ADGRL3: variants seen among roughly 807,000 people sequenced by gnomAD.
ADGRL3 encodes adhesion G protein-coupled receptor L3.
In ADGRL3, 62 loss-of-function variants were observed where a neutral mutation model predicts 153.5. That is an observed-to-expected ratio of 0.40 (90% CI 0.33 to 0.50). The LOEUF is 0.50. Ranked by LOEUF, ADGRL3 falls within the 20% of genes least tolerant of loss-of-function variation. The pLI is 0.47. For synonymous variants in ADGRL3, 710 were observed against 672.5 expected, an observed-to-expected ratio of 1.06 and a Z score of -0.86; for missense variants, 1,641 against 1,859.4, an observed-to-expected ratio of 0.88 and a Z score of 2.16.
intron 2 of ADGRL3, among the ~76,000 whole-genome samples, chr4:61,495,092 T>C (rs1213588250): frequency 6.6e-6 from 1 of 152,118 alleles, no homozygotes; most frequent in East Asian, 1.9e-4. Flanking sequence ...GGAGATGCTA[T>C]AGTTAAATGA....
intron 21 of ADGRL3, among the ~76,000 whole-genome samples, chr4:62,015,187 G>T (rs1021499513): frequency 3.3e-5 from 5 of 152,234 alleles, no homozygotes; most frequent in Admixed American, 3.3e-4. Context: ...ACCAATTGTT[G>T]CTGGTTTTCT....
At chr4:61,567,032 G>A (rs1462892561) in intron 4 of ADGRL3, among the ~76,000 whole-genome samples, 1 of 152,078 alleles carries the variant, frequency 6.6e-6, no homozygotes, top group Non-Finnish European at 1.5e-5. Flanking sequence ...AGCAGGGAAA[G>A]GATTTGCCAA....
chr4:61,358,430 T>C (rs1456845448), intron 1 of ADGRL3, among the ~76,000 whole-genome samples: 5 of 151,856 alleles, frequency 3.3e-5, no homozygotes, highest in Admixed American at 1.3e-4. Flanking sequence ...ACCCCGTCTC[T>C]ACTAAAAATA....
chr4:61,351,842 G>A (rs1238713844), intron 1 of ADGRL3, among the ~76,000 whole-genome samples: 1 of 152,184 alleles, frequency 6.6e-6, no homozygotes, highest in East Asian at 1.9e-4. Context: ...AGATGTGTAA[G>A]AAGATTCATC....
chr4:61,438,793 C>T (rs1049961797), intron 2 of ADGRL3, among the ~76,000 whole-genome samples: 1 of 151,260 alleles, frequency 6.6e-6, no homozygotes, highest in East Asian at 2.0e-4. Flanking sequence ...CTGCAAGCTC[C>T]GCCTCCCGGG....
intron 25 of ADGRL3, among the ~76,000 whole-genome samples, chr4:62,058,778 G>A (rs1407600103): frequency 6.6e-6 from 1 of 152,216 alleles, no homozygotes; most frequent in Middle Eastern, 3.4e-3. Flanking sequence ...TAGAAGGGAA[G>A]TTTACAAATC....
At chr4:61,900,081 A>G (rs1041570746) in intron 11 of ADGRL3, among the ~76,000 whole-genome samples, 5 of 152,136 alleles carry the variant, frequency 3.3e-5, no homozygotes, top group African/African-American at 1.2e-4. Flanking sequence ...GAGGATCTTG[A>G]TAGTTGAGTT....
rs146636439 is a variant in ADGRL3 at position 62,012,344 on chromosome 4, T to C, written c.3395+14079T>C. Among the ~76,000 whole-genome samples, 357 of 152,330 alleles carry C rather than the reference T, an allele frequency of 2.3e-3. 1 individual carries two copies. The highest frequency in any genetic ancestry group is 0.01 in the Middle Eastern group (3 of 294). On this transcript the variant is annotated intron_variant, in intron 21 of 26. Transcript: ENST00000683033. Reference sequence around the variant, plus strand: ...CTTGAATTTTAAATATTGTGTCTATTTGGAAAATGTGTGCAAAATAATAAG... The same window carrying C: ...CTTGAATTTTAAATATTGTGTCTATCTGGAAAATGTGTGCAAAATAATAAG...
chr4:61,699,322 A>T (rs56169839), intron 6 of ADGRL3, among the ~76,000 whole-genome samples: 9 of 152,308 alleles, frequency 5.9e-5, no homozygotes, highest in African/African-American at 1.7e-4. Context: ...AAATTTTTTT[A>T]AAAAATAATA....
intron 1 of ADGRL3, among the ~76,000 whole-genome samples, chr4:61,228,854 G>A (rs149674585): frequency 3.1e-4 from 47 of 152,196 alleles, no homozygotes; most frequent in Admixed American, 5.9e-4. Context: ...ACCATACCCT[G>A]CTGATTTTTG....
At chr4:61,718,503 T>C (rs1201226267) in intron 6 of ADGRL3, among the ~76,000 whole-genome samples, 1 of 152,204 alleles carries the variant, frequency 6.6e-6, no homozygotes, top group Admixed American at 6.5e-5. Flanking sequence ...TGAAATGTAT[T>C]TGTTCTTTAA....
intron 21 of ADGRL3, among the ~76,000 whole-genome samples, chr4:62,016,476 T>C (rs907945050): frequency 6.6e-6 from 1 of 152,214 alleles, no homozygotes; most frequent in Non-Finnish European, 1.5e-5. Context: ...TGCTAAATAA[T>C]CCATCCTTTT....
rs1332625218 is a variant in ADGRL3, at chr4:61,432,642, C to CTT, written c.-174+49455_-174+49456dup. On this transcript the variant is annotated intron_variant, in intron 2 of 26. Coordinates refer to ENST00000683033, the MANE Select transcript of ADGRL3 (RefSeq NM_001387552.1). ...TCTTTCTTTCTTTCTTTCTTTCTTT[C>CTT]TTTCTTTCTTTCTTTTTTTTTTTTT... Among the ~76,000 whole-genome samples the CTT allele has an allele frequency of 1.4e-3, 31 of 22,954 alleles. 1 individual carries two copies. Among genetic ancestry groups the CTT allele is most frequent in the Non-Finnish European group, 2.3e-3 (24 of 10,244 alleles). 15.1% of individuals were successfully genotyped at this position (22,954 alleles called of 152,430 possible). A position where few individuals can be genotyped will look rare whatever the true frequency, so the allele number is the denominator to read the frequency against.
At chr4:61,664,157 G>A (rs2094703181) in intron 5 of ADGRL3, among the ~76,000 whole-genome samples, 1 of 152,014 alleles carries the variant, frequency 6.6e-6, no homozygotes, top group African/African-American at 2.4e-5. Flanking sequence ...AATGTTTTGG[G>A]GGCAAAGAGA....
chr4:61,453,377 G>A (rs1216510888), intron 2 of ADGRL3, among the ~76,000 whole-genome samples: 5 of 152,206 alleles, frequency 3.3e-5, no homozygotes, highest in Admixed American at 3.3e-4. Flanking sequence ...TTTTCAAAAT[G>A]TTCACAAATA....
intron 5 of ADGRL3, among the ~76,000 whole-genome samples, chr4:61,619,525 A>G (rs1486100567): frequency 1.5e-4 from 5 of 32,520 alleles, no homozygotes; most frequent in South Asian, 8.9e-4. Flanking sequence ...ATACACACAC[A>G]CACACACACA....
chr4:61,367,845 G>T (rs1578463612), intron 1 of ADGRL3, among the ~76,000 whole-genome samples: 1 of 124,184 alleles, frequency 8.1e-6, no homozygotes, highest in African/African-American at 3.1e-5. Context: ...CTAGTTTACA[G>T]TCCCACCAAC....
chr4:61,750,477 A>G (rs1170026692), intron 8 of ADGRL3, among the ~76,000 whole-genome samples: 1 of 152,206 alleles, frequency 6.6e-6, no homozygotes, highest in East Asian at 1.9e-4. Context: ...AAGGTAAGGA[A>G]AAGCAGGATG....
Position 61,615,854 on chromosome 4 carries a change from C to T in ADGRL3, c.473+28414C>T, listed in dbSNP as rs568725786. Among the ~76,000 whole-genome samples, 238 of 152,086 alleles carry T rather than the reference C, an allele frequency of 1.6e-3. 1 individual carries two copies. The highest frequency in any genetic ancestry group is 6.8e-3 in the Middle Eastern group (2 of 292). ...TACTTGAATTTATTAGTCTGATTTA[C>T]TGTTCTCATGATTAGATGAAATCAA... On this transcript the variant is annotated intron_variant, in intron 5 of 26. Transcript: ENST00000683033.
Sources: allele counts gnomAD v4.1 joint callset (sites outside exome capture counted in the v4.1 genomes callset), GRCh38; gene constraint gnomAD v4.1.1; transcripts MANE v1.5; gene names NCBI Gene and HGNC (gene_info 2026-07-23, HGNC 2026-07-21).